The following TBC1D19 variants were observed in gnomAD, a reference collection of about 807,000 sequenced individuals.
The protein encoded by TBC1D19 is TBC1 domain family, member 19.
In TBC1D19, 60 loss-of-function variants were observed where a neutral mutation model predicts 89.0. The ratio of observed to expected loss-of-function variants is 0.67; its 90% CI spans 0.55 to 0.84. TBC1D19 has a LOEUF of 0.84. Among genes scored for constraint, TBC1D19 ranks in the 40% least tolerant of loss-of-function variants. The pLI is 0.00. For missense variants in TBC1D19, 500 were observed against 610.8 expected (o/e 0.82, Z 1.91); for synonymous variants, 189 against 199.7 (o/e 0.95, Z 0.45).
chr4:26,688,680 G>A (rs974532040), intron 13 of TBC1D19, among the ~76,000 whole-genome samples: 1 of 152,040 alleles, frequency 6.6e-6, no homozygotes, highest in Non-Finnish European at 1.5e-5. Context: ...TATTGGCATA[G>A]ATGCTTAAAT....
chr4:26,765,570 G>C, the TBC1D19 span, among the ~76,000 whole-genome samples: 1 of 152,072 alleles, frequency 6.6e-6, no homozygotes, highest in East Asian at 1.9e-4. Context: ...TTCTGATAAG[G>C]AGTGGAATAA....
At chr4:26,786,265 C>A in the TBC1D19 span, among the ~76,000 whole-genome samples, 1 of 152,106 alleles carries the variant, frequency 6.6e-6, no homozygotes. Flanking sequence ...AGTGAGTATT[C>A]AATGTCGCCA....
chr4:26,700,427 G>C (rs1327058099), intron 13 of TBC1D19, among the ~76,000 whole-genome samples: 1 of 151,940 alleles, frequency 6.6e-6, no homozygotes, highest in Non-Finnish European at 1.5e-5. Context: ...CAGTAGTTCT[G>C]TCTTCAAATA....
rs755002502 is a variant in TBC1D19, at chr4:26,683,659, T to G, written c.817-16T>G. The G allele has an allele frequency of 4.1e-5, 65 of 1,598,362 alleles. No individual in the cohort carries two copies. Among genetic ancestry groups the G allele is most frequent in the Non-Finnish European group, 4.7e-5 (55 of 1,174,114 alleles). ...GTGATTGACCTTTAATTTTTTTGTT[T>G]TACTTTTAAATTTAGGATGTCTTGT... is the stretch of plus-strand genomic sequence containing the variant. On this transcript the variant is annotated splice_polypyrimidine_tract_variant and intron_variant, in intron 11 of 20. Transcript: ENST00000264866.
chr4:26,762,220 T>C, the TBC1D19 span, among the ~76,000 whole-genome samples: 1 of 152,196 alleles, frequency 6.6e-6, no homozygotes. Flanking sequence ...ACAGAGAAGA[T>C]AGATTAAGTT....
At chr4:26,677,507 G>A (rs894131082) in intron 11 of TBC1D19, among the ~76,000 whole-genome samples, 1 of 151,992 alleles carries the variant, frequency 6.6e-6, no homozygotes, top group South Asian at 2.1e-4. Context: ...TTTTTCAGTA[G>A]AGACAGGGTT....
At chr4:26,741,240 C>T (rs941903971) in intron 17 of TBC1D19, among the ~76,000 whole-genome samples, 10 of 151,612 alleles carry the variant, frequency 6.6e-5, no homozygotes, top group East Asian at 1.9e-4. Context: ...CCTGTAGTCC[C>T]AGCTACTCGG....
chr4:26,620,760 G>A (rs1741997264), intron 4 of TBC1D19, 72 bp downstream of exon 4: 1 of 1,317,778 alleles, frequency 7.6e-7, no homozygotes, highest in South Asian at 1.3e-5. Context: ...GATCATTACT[G>A]ATGTCAGGAG....
At chr4:26,660,044 A>G (rs977964335) in intron 8 of TBC1D19, among the ~76,000 whole-genome samples, 4 of 152,196 alleles carry the variant, frequency 2.6e-5, no homozygotes, top group African/African-American at 9.6e-5. Context: ...ATTATTTTTA[A>G]AAAAGTACAT....
chr4:26,766,877 T>C, the TBC1D19 span, among the ~76,000 whole-genome samples: 3 of 152,190 alleles, frequency 2.0e-5, no homozygotes, highest in Non-Finnish European at 4.4e-5. Flanking sequence ...CTAAACACTT[T>C]ACGAAGAAGA....
downstream of TBC1D19, among the ~76,000 whole-genome samples, chr4:26,759,350 G>A (rs954963545): frequency 1.3e-5 from 2 of 152,196 alleles, no homozygotes; most frequent in South Asian, 2.1e-4. Flanking sequence ...AGGAATTTGC[G>A]GAGTTGCCTT....
chr4:26,795,903 AC>A, the TBC1D19 span, among the ~76,000 whole-genome samples: 1 of 152,044 alleles, frequency 6.6e-6, no homozygotes, highest in Admixed American at 6.6e-5. Context: ...GTTCCATCTT[AC>A]CCCCCACCAT....
chr4:26,764,688 C>G, the TBC1D19 span, among the ~76,000 whole-genome samples: 1 of 151,926 alleles, frequency 6.6e-6, no homozygotes, highest in Non-Finnish European at 1.5e-5. Context: ...AAGGAAGAAC[C>G]TATAATGATG....
chr4:26,735,158 GTA>G (rs889400013), intron 15 of TBC1D19, among the ~76,000 whole-genome samples: 2 of 151,086 alleles, frequency 1.3e-5, no homozygotes, highest in Non-Finnish European at 3.0e-5. Context: ...GTGTGTATGT[GTA>G]TATGTATGTA....
In TBC1D19 at chr4:26,645,923, A is replaced by G. The variant is rs1190336245; in HGVS notation, c.480+5736A>G. 7.9e-5 allele frequency among the ~76,000 whole-genome samples: 12 copies of G among 152,058 alleles called. No homozygotes were observed. The East Asian group carries it at 2.1e-3, about 27-fold the overall frequency. On this transcript the variant is annotated intron_variant, in intron 7 of 20. Transcript: ENST00000264866. ...CGGATCACGAGGTCAGGAGATCGAG[A>G]CCATCCCGGCTAAAACGGTGAAACC...
Position 26,617,308 on chromosome 4 carries a change from A to G in TBC1D19, c.218+2855A>G, listed in dbSNP as rs373130289. On this transcript the variant is annotated intron_variant, in intron 3 of 20. Coordinates refer to ENST00000264866, the MANE Select transcript of TBC1D19 (RefSeq NM_018317.4). Reference sequence around the variant, plus strand: ...GATCCCACCTCTTAATACTGTTACAATTGCAAATTTTAACATGAGTTTTGG... The same window carrying G: ...GATCCCACCTCTTAATACTGTTACAGTTGCAAATTTTAACATGAGTTTTGG... Among the ~76,000 whole-genome samples, 50 of 152,354 alleles carry G rather than the reference A, an allele frequency of 3.3e-4. No individual in the cohort carries two copies. In the South Asian group the frequency reaches 8.1e-3, roughly 25 times the overall value.
the TBC1D19 span, among the ~76,000 whole-genome samples, chr4:26,780,439 G>A: frequency 0.011 from 1,708 of 152,290 alleles, 34 homozygotes; most frequent in African/African-American, 0.039. Flanking sequence ...TCTGGGAACT[G>A]AAAGAGGCAA....
At chr4:26,616,665 C>T (rs888082411) in intron 3 of TBC1D19, among the ~76,000 whole-genome samples, 3 of 152,094 alleles carry the variant, frequency 2.0e-5, no homozygotes, top group Admixed American at 6.6e-5. Flanking sequence ...GAAAACAGCA[C>T]ACTTCGTTTT....
Position 26,735,436 on chromosome 4 carries a change from A to G in TBC1D19, c.1085-19A>G. ...GTAGGCCTACTACTTATTGAAAAGA[A>G]ATACCTTTTTTTTTTTAGGTGTTAT... On this transcript the variant is annotated intron_variant, in intron 15 of 20. Transcript: ENST00000264866. 7.0e-7 allele frequency: 1 copy of G among 1,419,292 alleles called. No homozygotes were observed. Among genetic ancestry groups the G allele is most frequent in the Middle Eastern group, 1.9e-4 (1 of 5,326 alleles). The allele number at this position is 1,419,292 out of a possible 1,614,324, so 87.9% of individuals were successfully genotyped here. A position where few individuals can be genotyped will look rare whatever the true frequency, so the allele number is the denominator to read the frequency against.
Sources: gnomAD v4.1 joint callset for allele counts (sites outside exome capture counted in the v4.1 genomes callset) on GRCh38, gnomAD v4.1.1 for gene constraint, MANE v1.5 for transcripts, NCBI Gene and HGNC (gene_info 2026-07-23, HGNC 2026-07-21) for gene names.